Variants in CYTH3 observed in about 807,000 individuals in gnomAD.
The protein encoded by CYTH3 is cytohesin 3, also known as cytohesin-3.
A neutral mutation model predicts 55.1 loss-of-function variants in CYTH3; 23 were observed. That is an observed-to-expected ratio of 0.42 (90% CI 0.30 to 0.59). The LOEUF (loss-of-function observed/expected upper bound fraction) is 0.59. CYTH3 is among the 20% of genes least tolerant of loss of function. CYTH3 has a pLI of 0.20. For missense variants in CYTH3, 413 were observed against 524.8 expected (o/e 0.79, Z 2.08); for synonymous variants, 249 against 194.9 (o/e 1.28, Z -2.31).
At chr7:6,249,171 T>C (rs967948021) in intron 1 of CYTH3, among the ~76,000 whole-genome samples, 1 of 152,196 alleles carries the variant, frequency 6.6e-6, no homozygotes, top group African/African-American at 2.4e-5. Flanking sequence ...CCCTTTCAAA[T>C]GGGAAGGTTC....
chr7:6,174,130 T>TG, intron 5 of CYTH3, among the ~76,000 whole-genome samples: 1 of 151,954 alleles, frequency 6.6e-6, no homozygotes, highest in African/African-American at 2.4e-5. Context: ...TTTTTTTTTT[T>TG]GAGCCAGAAT....
chr7:6,255,236 T>C (rs1366013967), intron 1 of CYTH3, among the ~76,000 whole-genome samples: 7 of 152,210 alleles, frequency 4.6e-5, no homozygotes, highest in Non-Finnish European at 1.0e-4. Flanking sequence ...TACCAAATAT[T>C]TGTCAACACC....
At chr7:6,265,520 G>C (rs372683420) in intron 1 of CYTH3, among the ~76,000 whole-genome samples, 129 of 151,834 alleles carry the variant, frequency 8.5e-4, no homozygotes, top group African/African-American at 2.9e-3. Context: ...TCAGGAGGCT[G>C]AGGCAGGAGA....
chr7:6,215,715 A>G (rs1562392025), intron 1 of CYTH3, among the ~76,000 whole-genome samples: 2 of 152,210 alleles, frequency 1.3e-5, no homozygotes, highest in Non-Finnish European at 2.9e-5. Context: ...GAGGCTAAAC[A>G]AACTTGAAAC....
chr7:6,249,223 G>T (rs1176289391), intron 1 of CYTH3, among the ~76,000 whole-genome samples: 1 of 152,152 alleles, frequency 6.6e-6, no homozygotes, highest in Admixed American at 6.5e-5. Flanking sequence ...CCACTGGAGG[G>T]CTTCTCTTGG....
At chr7:6,179,764 A>ACC (rs1562881538) in intron 4 of CYTH3, among the ~76,000 whole-genome samples, 3 of 109,618 alleles carry the variant, frequency 2.7e-5, no homozygotes, top group Admixed American at 2.0e-4. Flanking sequence ...CCCCCACCAC[A>ACC]CACACCCCAC....
rs1783185814 is a variant in CYTH3, at chr7:6,171,290, C to T, written c.474G>A (p.Leu158=). The T allele has an allele frequency of 6.2e-7, 1 of 1,614,072 alleles. No homozygotes were observed. The highest frequency in any genetic ancestry group is 2.2e-5 in the East Asian group (1 of 44,886). ...GATCAATCTTCTGCGCCTCCCCGGG[C>T]AGCCTGAAGCTCCATAAGAACTGCC... The part of the protein sequence containing the change: ...ALRQFLWSFR[L]PGEAQKIDRM... Residue 158 remains leucine (L), a synonymous_variant, in exon 7 of 13, where the codon CTG becomes CTA. Transcript: ENST00000350796. This position sits in a 1 kb window ranked among gnomAD's most constrained non-coding sequence, Gnocchi z 6.7.
At chr7:6,192,302 T>C (rs1364451876) in intron 1 of CYTH3, among the ~76,000 whole-genome samples, 5 of 151,950 alleles carry the variant, frequency 3.3e-5, no homozygotes, top group Non-Finnish European at 7.4e-5. Flanking sequence ...ACTGTAGCCT[T>C]GAACTCCTGG....
chr7:6,165,203 C>G, intron 12 of CYTH3, 70 bp downstream of exon 12: 1 of 1,571,090 alleles, frequency 6.4e-7, no homozygotes. Flanking sequence ...CATCCATGTT[C>G]CAGACCATCC....
chr7:6,268,715 C>A (rs1048861437), intron 1 of CYTH3, among the ~76,000 whole-genome samples: 2 of 152,102 alleles, frequency 1.3e-5, no homozygotes, highest in East Asian at 1.9e-4. Flanking sequence ...AGGATTTACA[C>A]GCCTGTAATT....
intron 2 of CYTH3, among the ~76,000 whole-genome samples, chr7:6,189,129 A>T (rs1783733302): frequency 6.6e-6 from 1 of 152,106 alleles, no homozygotes; most frequent in South Asian, 2.1e-4. Flanking sequence ...GGAAGCCCCA[A>T]ACGGAAGGAG....
In CYTH3 at chr7:6,165,360, T is replaced by G. The variant is rs1182710124; in HGVS notation, c.1040A>C (p.Asp347Ala). 2 of 1,614,158 alleles carry G rather than the reference T, an allele frequency of 1.2e-6. No homozygotes were observed. Among genetic ancestry groups the G allele is most frequent in the Non-Finnish European group, 1.7e-6 (2 of 1,180,030 alleles). Reference protein sequence around the residue: ...QVIKACKTEADGRVVEGNHVV... With the variant: ...QVIKACKTEAAGRVVEGNHVV... ...ATGGTTCCCCTCTACCACGCGGCCG[T>G]CGGCCTCAGTCTTACAGGCCTTGAT... The change falls in exon 12 of 13, where the codon GAC becomes GCC. Residue 347 changes from aspartate (D) to alanine (A), a missense_variant. This residue lies in a region of CYTH3 where 98 missense variants were observed against 115.2 expected (regional missense o/e 0.85). Transcript: ENST00000350796.
intron 9 of CYTH3, among the ~76,000 whole-genome samples, chr7:6,168,198 C>T (rs948030693): frequency 2.7e-5 from 4 of 150,148 alleles, no homozygotes; most frequent in African/African-American, 9.8e-5. Context: ...TATGGCAGCT[C>T]GGATTGGGCC....
At chr7:6,263,733 G>C (rs1365176651) in intron 1 of CYTH3, among the ~76,000 whole-genome samples, 1 of 151,818 alleles carries the variant, frequency 6.6e-6, no homozygotes, top group African/African-American at 2.4e-5. Context: ...GGGAGGTAGA[G>C]GTTTCAATGA....
chr7:6,171,404 T>C lies in CYTH3; in HGVS notation c.450-90A>G. 1 of 1,220,428 alleles carries C rather than the reference T, an allele frequency of 8.2e-7. No individual in the cohort carries two copies. Among genetic ancestry groups the C allele is most frequent in the Non-Finnish European group, 1.2e-6 (1 of 844,242 alleles). The allele number at this position is 1,220,428 out of a possible 1,614,324, so 75.6% of individuals were successfully genotyped here. ...GCTTCTGCCCAGCTCAGGAAGGACGTTTTCCTCCCGAGCCTGGGGTACAGC... is the reference window on the plus strand; with the variant it reads ...GCTTCTGCCCAGCTCAGGAAGGACGCTTTCCTCCCGAGCCTGGGGTACAGC... On this transcript the variant is annotated intron_variant, in intron 6 of 12. Transcript: ENST00000350796. This position sits in a 1 kb window ranked among gnomAD's most constrained non-coding sequence, Gnocchi z 6.7.
intron 1 of CYTH3, among the ~76,000 whole-genome samples, chr7:6,268,110 C>T (rs1780551050): frequency 6.6e-6 from 1 of 152,144 alleles, no homozygotes; most frequent in African/African-American, 2.4e-5. Context: ...ATTACCTCCT[C>T]TTTCAAAACA....
At chr7:6,222,186 TC>T (rs1159265414) in intron 1 of CYTH3, among the ~76,000 whole-genome samples, 1 of 152,126 alleles carries the variant, frequency 6.6e-6, no homozygotes, top group Non-Finnish European at 1.5e-5. Context: ...TGAGATGTGA[TC>T]AAGGTGCTAA....
At chr7:6,179,717 C>T (rs1291593885) in intron 4 of CYTH3, among the ~76,000 whole-genome samples, 1 of 117,162 alleles carries the variant, frequency 8.5e-6, no homozygotes, top group Non-Finnish European at 1.8e-5. Context: ...ACACACCCCA[C>T]ACACCACACA....
chr7:6,185,699 CA>C (rs34943703), intron 4 of CYTH3, among the ~76,000 whole-genome samples: 29,240 of 127,274 alleles, frequency 0.23, 5,717 homozygotes, highest in African/African-American at 0.55. Context: ...GACTCTGTCT[CA>C]AAAAAAAAAA....
Sources: gnomAD v4.1 joint callset for allele counts (sites outside exome capture counted in the v4.1 genomes callset) on GRCh38, gnomAD v4.1.1 for gene constraint, gnomAD v4.1.1 regional missense constraint, Gnocchi (gnomAD v3.1) non-coding constraint, MANE v1.5 for transcripts, NCBI Gene and HGNC (gene_info 2026-07-23, HGNC 2026-07-21) for gene names.